Variants in EPHA3 observed in about 807,000 individuals in gnomAD.
EPHA3 encodes ephrin type-A receptor 3.
In EPHA3, 42 loss-of-function variants were observed where a neutral mutation model predicts 107.1. The observed-to-expected ratio is 0.39, with a 90% confidence interval of 0.31 to 0.51. EPHA3 has a LOEUF of 0.51. EPHA3 is among the 20% of genes least tolerant of loss of function. EPHA3 has a pLI of 0.78. For synonymous variants in EPHA3, 461 were observed against 424.8 expected (o/e 1.09, Z -1.05); for missense variants, 1,183 against 1,211.2 (o/e 0.98, Z 0.35).
At chr3:89,129,293 T>C (rs544309333) in intron 2 of EPHA3, among the ~76,000 whole-genome samples, 2 of 152,270 alleles carry the variant, frequency 1.3e-5, no homozygotes, top group Admixed American at 6.5e-5. Flanking sequence ...CTCCTCTTCA[T>C]TGCTGTCCTC....
intron 3 of EPHA3, among the ~76,000 whole-genome samples, chr3:89,213,219 T>A (rs530211732): frequency 1.3e-5 from 2 of 152,060 alleles, no homozygotes; most frequent in South Asian, 4.1e-4. Context: ...TTTCTAGTTG[T>A]TTTTTGCCTG....
At chr3:89,155,607 A>T (rs1576189927) in intron 2 of EPHA3, among the ~76,000 whole-genome samples, 1 of 152,122 alleles carries the variant, frequency 6.6e-6, no homozygotes, top group Non-Finnish European at 1.5e-5. Flanking sequence ...AAGAAAATAC[A>T]TTTTCACAAT....
At position 89,269,361 on chromosome 3, in the gene EPHA3, A is replaced by G. The variant is rs190166984; in HGVS notation, c.814+58841A>G. On this transcript the variant is annotated intron_variant, in intron 3 of 16. Transcript: ENST00000336596. ...CATTGATATCATCTGAGAATATATT[A>G]AAAATGCAAATCCTTGGTTCCTACC... 1.4e-3 allele frequency among the ~76,000 whole-genome samples: 217 copies of G among 152,244 alleles called. 2 individuals are homozygous for G. The highest frequency in any genetic ancestry group is 0.01 in the Middle Eastern group (3 of 294).
At chr3:89,121,782 G>T (rs917821890) in intron 1 of EPHA3, among the ~76,000 whole-genome samples, 2 of 151,610 alleles carry the variant, frequency 1.3e-5, no homozygotes, top group African/African-American at 4.8e-5. Context: ...TTATGCTTGG[G>T]TAGAAAGAAA....
At chr3:89,375,866 A>G (rs1708395012) in intron 5 of EPHA3, among the ~76,000 whole-genome samples, 1 of 151,924 alleles carries the variant, frequency 6.6e-6, no homozygotes, top group African/African-American at 2.4e-5. Context: ...TTCCATATGC[A>G]TTTGAGGGAA....
chr3:89,405,033 T>C (rs552866900), intron 7 of EPHA3, among the ~76,000 whole-genome samples: 134 of 152,270 alleles, frequency 8.8e-4, no homozygotes, highest in African/African-American at 3.0e-3. Flanking sequence ...GGGAGGAAGA[T>C]ACAAAGATGA....
intron 15 of EPHA3, among the ~76,000 whole-genome samples, chr3:89,456,035 A>G (rs1306555314): frequency 6.6e-6 from 1 of 152,178 alleles, no homozygotes; most frequent in Non-Finnish European, 1.5e-5. Flanking sequence ...TCTCCTAAAT[A>G]CCTAATAAAT....
chr3:89,204,275 T>C (rs1173913685), intron 2 of EPHA3, among the ~76,000 whole-genome samples: 3 of 152,170 alleles, frequency 2.0e-5, no homozygotes, highest in Non-Finnish European at 4.4e-5. Flanking sequence ...GCTGAAAACT[T>C]AGGGGCTAAA....
intron 3 of EPHA3, among the ~76,000 whole-genome samples, chr3:89,272,608 C>T (rs1372113007): frequency 2.6e-5 from 4 of 151,900 alleles, no homozygotes; most frequent in Non-Finnish European, 4.4e-5. Context: ...TAAGTAGAAT[C>T]GTATTTCTCA....
At chr3:89,285,417 A>G (rs1706057132) in intron 3 of EPHA3, among the ~76,000 whole-genome samples, 2 of 152,224 alleles carry the variant, frequency 1.3e-5, no homozygotes, top group African/African-American at 2.4e-5. Flanking sequence ...TATTATTTAT[A>G]CCCTAACAGA....
intron 2 of EPHA3, among the ~76,000 whole-genome samples, chr3:89,162,473 C>T (rs1415942336): frequency 6.6e-6 from 1 of 152,134 alleles, no homozygotes; most frequent in Non-Finnish European, 1.5e-5. Flanking sequence ...TAAAATGTTC[C>T]TTCACTCAGT....
chr3:89,467,310 C>T (rs372545396), intron 15 of EPHA3, among the ~76,000 whole-genome samples: 1 of 152,124 alleles, frequency 6.6e-6, no homozygotes, highest in South Asian at 2.1e-4. Context: ...TAAAAAGTTG[C>T]TTTTTAGATT....
intron 3 of EPHA3, among the ~76,000 whole-genome samples, chr3:89,238,901 G>A (rs1704831485): frequency 6.6e-6 from 1 of 152,018 alleles, no homozygotes; most frequent in Admixed American, 6.6e-5. Flanking sequence ...AGAGTTATTT[G>A]GTATCCATGA....
At chr3:89,306,042 C>T (rs554446413) in intron 3 of EPHA3, among the ~76,000 whole-genome samples, 3 of 152,104 alleles carry the variant, frequency 2.0e-5, no homozygotes, top group South Asian at 4.2e-4. Context: ...TCGTCATTGT[C>T]GTCATCATCA....
rs369167718 is a variant in EPHA3 at position 89,472,579 on chromosome 3, G to A, written c.2806G>A (p.Glu936Lys). The A allele has an allele frequency of 1.9e-6, 3 of 1,613,776 alleles. No homozygotes were observed. The African/African-American group carries it at 4.0e-5, about 22-fold the overall frequency. ...AHCKEIFTGVEYSSCDTIAKI... is the reference protein window; with the variant it reads ...AHCKEIFTGVKYSSCDTIAKI... ...CTGCAAGGAAATCTTCACGGGTGTG[G>A]AGTACAGTTCTTGTGACACAATAGC... Residue 936 changes from glutamate (E) to lysine (K), a missense_variant, in exon 16 of 17, where the codon GAG becomes AAG. Coordinates refer to ENST00000336596, the MANE Select transcript of EPHA3 (RefSeq NM_005233.6).
intron 3 of EPHA3, among the ~76,000 whole-genome samples, chr3:89,309,692 T>G (rs570089993): frequency 6.6e-6 from 1 of 152,264 alleles, no homozygotes; most frequent in Admixed American, 6.5e-5. Flanking sequence ...AGGCTTCAAA[T>G]AGAAATATTT....
chr3:89,203,523 T>C (rs1189247573), intron 2 of EPHA3, among the ~76,000 whole-genome samples: 2 of 151,528 alleles, frequency 1.3e-5, no homozygotes, highest in Non-Finnish European at 1.5e-5. Context: ...CCTGTAAACC[T>C]AGCACTTTGG....
chr3:89,433,399 A>G (rs1184840364), intron 13 of EPHA3, among the ~76,000 whole-genome samples: 1 of 152,164 alleles, frequency 6.6e-6, no homozygotes, highest in Non-Finnish European at 1.5e-5. Flanking sequence ...TAAAGAACCT[A>G]ATATGCCAGA....
At chr3:89,345,606 C>CTTTTTTTTTTTTTTTTTTTT (rs528144226) in intron 5 of EPHA3, among the ~76,000 whole-genome samples, 1 of 136,656 alleles carries the variant, frequency 7.3e-6, no homozygotes, top group South Asian at 2.3e-4. Flanking sequence ...GTGACAATTT[C>CTTTTTTTTTTTTTTTTTTTT]TTTTTTTTTT....
Sources: allele counts gnomAD v4.1 joint callset (sites outside exome capture counted in the v4.1 genomes callset), GRCh38; gene constraint gnomAD v4.1.1; transcripts MANE v1.5; gene names NCBI Gene and HGNC (gene_info 2026-07-23, HGNC 2026-07-21).